The following SEPTIN9 variants were observed in gnomAD, a reference collection of about 807,000 sequenced individuals.
SEPTIN9 encodes septin-9.
Under a neutral mutation model 56.6 loss-of-function variants are expected in SEPTIN9, and 13 were observed. That is an observed-to-expected ratio of 0.23 (90% confidence interval 0.15 to 0.37). The LOEUF (loss-of-function observed/expected upper bound fraction) is 0.37. Ranked by LOEUF, SEPTIN9 falls within the 10% of genes least tolerant of loss-of-function variation. The probability of loss-of-function intolerance (pLI) is 1.00; values close to 1 mark genes in which losing one functional copy is unlikely to be tolerated. For synonymous variants in SEPTIN9, 332 were observed against 334.1 expected (o/e 0.99, Z 0.07); for missense variants, 650 against 823.1 (o/e 0.79, Z 2.57).
intron 1 of SEPTIN9, among the ~76,000 whole-genome samples, chr17:77,299,308 C>G (rs531070821): frequency 6.6e-6 from 1 of 152,354 alleles, no homozygotes; most frequent in South Asian, 2.1e-4. Context: ...ACTCCATTAT[C>G]TCCCCCGACA....
At chr17:77,288,843 C>T (rs2031397314) in intron 1 of SEPTIN9, among the ~76,000 whole-genome samples, 1 of 152,108 alleles carries the variant, frequency 6.6e-6, no homozygotes, top group Non-Finnish European at 1.5e-5. Context: ...GGCGTAGACA[C>T]CATGGAGGCA....
At chr17:77,308,993 G>A (rs893780827) in intron 2 of SEPTIN9, among the ~76,000 whole-genome samples, 1 of 152,252 alleles carries the variant, frequency 6.6e-6, no homozygotes, top group Non-Finnish European at 1.5e-5. Flanking sequence ...TCCGCCCATC[G>A]CAGTCATGTT....
intron 2 of SEPTIN9, among the ~76,000 whole-genome samples, chr17:77,342,088 CAAAG>C (rs1485268146): frequency 3.5e-5 from 5 of 142,124 alleles, no homozygotes; most frequent in South Asian, 2.2e-4. Flanking sequence ...AAAAAAAAAA[CAAAG>C]AAAGAAAAAA....
intron 3 of SEPTIN9, among the ~76,000 whole-genome samples, chr17:77,452,022 G>C (rs72896175): frequency 0.011 from 1,740 of 152,304 alleles, 13 homozygotes; most frequent in Middle Eastern, 0.027. Flanking sequence ...TGCCGTAACC[G>C]AAGCTCCCCG....
At chr17:77,398,524 C>T (rs1205071568) in intron 2 of SEPTIN9, among the ~76,000 whole-genome samples, 2 of 151,826 alleles carry the variant, frequency 1.3e-5, no homozygotes, top group South Asian at 2.1e-4. Flanking sequence ...GTGGCATGCT[C>T]GTTTGGGGGG....
At chr17:77,466,573 C>T (rs1233618002) in intron 3 of SEPTIN9, 1 of 985,540 alleles carries the variant, frequency 1.0e-6, no homozygotes, top group Non-Finnish European at 1.2e-6. Flanking sequence ...AGGTCAACCC[C>T]AGGCCCTGGG....
Position 77,470,533 on chromosome 17 carries a change from C to T in SEPTIN9, c.722-11611C>T, listed in dbSNP as rs116464500. On this transcript the variant is annotated intron_variant, in intron 3 of 11. Coordinates refer to ENST00000427177, the MANE Select transcript of SEPTIN9 (RefSeq NM_001113491.2). ...ACTCATCCACTCATCCATCTATCCA[C>T]TCATCCACCAATTCACTCATCCACC... 3.4e-3 allele frequency among the ~76,000 whole-genome samples: 513 copies of T among 152,248 alleles called. 2 individuals carry two copies. Among genetic ancestry groups the T allele is most frequent in the African/African-American group, 0.011 (454 of 41,530 alleles).
At chr17:77,307,608 G>A (rs1347202650) in intron 2 of SEPTIN9, among the ~76,000 whole-genome samples, 1 of 152,184 alleles carries the variant, frequency 6.6e-6, no homozygotes, top group Non-Finnish European at 1.5e-5. Context: ...TTGCAGGATG[G>A]AAGATGCTCC....
At chr17:77,392,128 A>C (rs932312147) in intron 2 of SEPTIN9, among the ~76,000 whole-genome samples, 1 of 152,122 alleles carries the variant, frequency 6.6e-6, no homozygotes, top group Non-Finnish European at 1.5e-5. Context: ...CGAAAATCCA[A>C]CCACAGGCTC....
In SEPTIN9 at chr17:77,319,321, A is replaced by C. The variant is rs1267850419; in HGVS notation, c.76+12124A>C. On this transcript the variant is annotated intron_variant, in intron 2 of 11. Coordinates refer to ENST00000427177, the MANE Select transcript of SEPTIN9 (RefSeq NM_001113491.2). The surrounding 1 kb of genome is among the most constrained non-coding windows in gnomAD (Gnocchi z 5.3). ...CTGGTGGGGACCCCCCAGGTAAGTA[A>C]GCAGCCTCTGAGGACCCCGGATGAA... is the stretch of plus-strand genomic sequence containing the variant. Among the ~76,000 whole-genome samples, 10 of 152,204 alleles carry C rather than the reference A, an allele frequency of 6.6e-5. No homozygotes were observed. Among genetic ancestry groups the C allele is most frequent in the African/African-American group, 2.4e-4 (10 of 41,450 alleles).
intron 8 of SEPTIN9, among the ~76,000 whole-genome samples, chr17:77,491,976 C>T (rs2040051290): frequency 6.6e-6 from 1 of 152,024 alleles, no homozygotes; most frequent in Admixed American, 6.5e-5. Context: ...GGGTGCCTTT[C>T]AAAATGAAAC....
At chr17:77,481,949 C>A in intron 3 of SEPTIN9, 195 bp from the exon 4 acceptor site, 1 of 603,472 alleles carries the variant, frequency 1.7e-6, no homozygotes, top group Admixed American at 3.0e-5. Flanking sequence ...TGCAGGATGG[C>A]AGCTTTTTAG....
chr17:77,320,872 T>G (rs78114848), intron 2 of SEPTIN9, among the ~76,000 whole-genome samples: 6 of 152,218 alleles, frequency 3.9e-5, no homozygotes, highest in Non-Finnish European at 8.8e-5. Context: ...GAGCCTGGCG[T>G]GTGTGTGCAC....
rs2039826385 is a variant in SEPTIN9, at chr17:77,487,126, G to A, written c.914-298G>A. ...CACCAGGAGACCTCCTGTCCAGAAA[G>A]CACAAGGGGCACAAGAGATGCCGAC... On this transcript the variant is annotated intron_variant, in intron 4 of 11. Coordinates refer to ENST00000427177, the MANE Select transcript of SEPTIN9 (RefSeq NM_001113491.2). This position sits in a 1 kb window ranked among gnomAD's most constrained non-coding sequence, Gnocchi z 4.3. 6.6e-6 allele frequency among the ~76,000 whole-genome samples: 1 copy of A among 152,212 alleles called. No individual in the cohort carries two copies. The highest frequency in any genetic ancestry group is 2.1e-4 in the South Asian group (1 of 4,832).
rs1296187180 is a variant in SEPTIN9, at chr17:77,435,228, G to T, written c.721+32525G>T. Among the ~76,000 whole-genome samples the T allele has an allele frequency of 6.6e-6, 1 of 152,128 alleles. No homozygotes were observed. Among genetic ancestry groups the T allele is most frequent in the African/African-American group, 2.4e-5 (1 of 41,428 alleles). On this transcript the variant is annotated intron_variant, in intron 3 of 11. Transcript: ENST00000427177. This position sits in a 1 kb window ranked among gnomAD's most constrained non-coding sequence, Gnocchi z 4.5. ...CGAATGCGGAAAGTCTGGCTTCAGT[G>T]CCCCCATCCCTAACCACTGTCATTT...
rs2033147300 is a variant in SEPTIN9, at chr17:77,326,518, C to A, written c.76+19321C>A. Among the ~76,000 whole-genome samples, 5 of 152,216 alleles carry A rather than the reference C, an allele frequency of 3.3e-5. No homozygotes were observed. The highest frequency in any genetic ancestry group is 1.2e-4 in the African/African-American group (5 of 41,452). ...AGAGGCGATCGCTGCAGGCAACCGG[C>A]AATGTGTTCAAAGGCCCTGGGGCGC... On this transcript the variant is annotated intron_variant, in intron 2 of 11. Coordinates refer to ENST00000427177, the MANE Select transcript of SEPTIN9 (RefSeq NM_001113491.2). The surrounding 1 kb of genome is among the most constrained non-coding windows in gnomAD (Gnocchi z 5.1).
chr17:77,493,111 G>A lies in SEPTIN9; in HGVS notation c.1573+35G>A, dbSNP rs1291732720. ...GCAGGCGCCGGGGCTCCAGACAGAT[G>A]GGAAGACAGTCTCTTCTGCTGACCC... On this transcript the variant is annotated intron_variant, in intron 10 of 11. Coordinates refer to ENST00000427177, the MANE Select transcript of SEPTIN9 (RefSeq NM_001113491.2). 2.7e-6 allele frequency: 4 copies of A among 1,475,788 alleles called. No individual in the cohort carries two copies. In the East Asian group the frequency reaches 7.4e-5, roughly 27 times the overall value. The allele number at this position is 1,475,788 out of a possible 1,614,324, so 91.4% of individuals were successfully genotyped here.
intron 3 of SEPTIN9, among the ~76,000 whole-genome samples, chr17:77,411,143 G>T (rs2036280917): frequency 6.6e-6 from 1 of 151,282 alleles, no homozygotes; most frequent in South Asian, 2.1e-4. Context: ...AAGATCACAT[G>T]AAATTTGGAA....
chr17:77,393,154 G>A (rs1028703502), intron 2 of SEPTIN9, among the ~76,000 whole-genome samples: 1 of 152,164 alleles, frequency 6.6e-6, no homozygotes, highest in Admixed American at 6.5e-5. Context: ...AATGGGCCAG[G>A]CAGGGAATCC....
Sources: gnomAD v4.1 joint callset for allele counts (sites outside exome capture counted in the v4.1 genomes callset) on GRCh38, gnomAD v4.1.1 for gene constraint, Gnocchi (gnomAD v3.1) non-coding constraint, MANE v1.5 for transcripts, NCBI Gene and HGNC (gene_info 2026-07-23, HGNC 2026-07-21) for gene names.